The following MGST2 variants were observed in gnomAD, a reference collection of about 807,000 sequenced individuals.
The protein encoded by MGST2 is microsomal glutathione S-transferase 2.
Under a neutral mutation model 16.6 loss-of-function variants are expected in MGST2, and 9 were observed. That is an observed-to-expected ratio of 0.54 (90% confidence interval 0.33 to 0.95). The LOEUF (loss-of-function observed/expected upper bound fraction) is 0.95. Among genes scored for constraint, MGST2 ranks in the 40% least tolerant of loss-of-function variants. MGST2 has a pLI of 0.03. For missense variants in MGST2, 159 were observed against 175.1 expected (o/e 0.91, Z 0.52); for synonymous variants, 79 against 68.0 (o/e 1.16, Z -0.79).
intron 1 of MGST2, among the ~76,000 whole-genome samples, chr4:139,669,567 C>T: frequency 6.6e-6 from 1 of 151,558 alleles, no homozygotes; most frequent in East Asian, 1.9e-4. Context: ...AGTTCCCATC[C>T]TAAGGTCCTT....
intron 1 of MGST2, among the ~76,000 whole-genome samples, chr4:139,678,242 T>G (rs1731061226): frequency 6.6e-6 from 1 of 152,234 alleles, no homozygotes; most frequent in Admixed American, 6.5e-5. Context: ...TTTGTTTCTC[T>G]TAGGGAAATA....
Position 139,666,013 on chromosome 4 carries a change from G to A in MGST2, c.-7G>A. 6.2e-7 allele frequency: 1 copy of A among 1,614,104 alleles called. No individual in the cohort carries two copies. Among genetic ancestry groups the A allele is most frequent in the Non-Finnish European group, 8.5e-7 (1 of 1,180,004 alleles). ...CCGTGCGCTCTACAAATAGTTCCGT[G>A]AGAAAGATGGCCGGGAACTCGATCC... On this transcript the variant is annotated 5_prime_UTR_variant, in exon 1 of 5. Coordinates refer to ENST00000265498, the MANE Select transcript of MGST2 (RefSeq NM_002413.5).
chr4:139,710,027 G>C (rs1727678393), intron 5 of MGST2, among the ~76,000 whole-genome samples: 1 of 152,202 alleles, frequency 6.6e-6, no homozygotes, highest in South Asian at 2.1e-4. Context: ...AAATTAAAAG[G>C]TAAAGACTGG....
At chr4:139,742,134 C>T, downstream of MGST2, among the ~76,000 whole-genome samples, 1 of 134,608 alleles carries the variant, frequency 7.4e-6, no homozygotes, top group East Asian at 2.3e-4. Context: ...AGATCTTAAA[C>T]TTTTCTTTTC....
In MGST2 at chr4:139,704,232, C is replaced by A. The variant is rs1351807261; in HGVS notation, c.*84C>A. 10 of 1,515,548 alleles carry A rather than the reference C, an allele frequency of 6.6e-6. No homozygotes were observed. The highest frequency in any genetic ancestry group is 9.1e-6 in the Non-Finnish European group (10 of 1,094,524). 93.9% of individuals were successfully genotyped at this position (1,515,548 alleles called of 1,614,324 possible). A position where few individuals can be genotyped will look rare whatever the true frequency, so the allele number is the denominator to read the frequency against. On this transcript the variant is annotated 3_prime_UTR_variant, in exon 5 of 5. Coordinates refer to ENST00000265498, the MANE Select transcript of MGST2 (RefSeq NM_002413.5). ...ATCATTTGTTAAATAAAAATAAAGT[C>A]TTTATTCTGTTTTTCTTGAAATGGC... is the stretch of plus-strand genomic sequence containing the variant.
At chr4:139,710,920 C>T (rs970182859) in intron 5 of MGST2, among the ~76,000 whole-genome samples, 1 of 151,772 alleles carries the variant, frequency 6.6e-6, no homozygotes, top group African/African-American at 2.4e-5. Flanking sequence ...GATTTATTAA[C>T]AAAGGGCTCT....
At chr4:139,670,220 T>C (rs749810628) in intron 1 of MGST2, among the ~76,000 whole-genome samples, 5 of 137,558 alleles carry the variant, frequency 3.6e-5, no homozygotes, top group Non-Finnish European at 6.2e-5. Flanking sequence ...TTCAGTCATA[T>C]TTTGAGGTGT....
chr4:139,708,367 G>A (rs953719873), downstream of MGST2, among the ~76,000 whole-genome samples: 1 of 152,156 alleles, frequency 6.6e-6, no homozygotes, highest in South Asian at 2.1e-4. Flanking sequence ...AAGATCAGAT[G>A]GTTGTAGATA....
intron 5 of MGST2, chr4:139,730,868 A>C (rs1728678601): frequency 1.7e-6 from 1 of 596,770 alleles, no homozygotes; most frequent in South Asian, 2.0e-5. Flanking sequence ...GCCACAAGGG[A>C]CAGTAAGAGA....
In MGST2 at chr4:139,715,247, C is replaced by T. The variant is rs1374015384; in HGVS notation, c.*48+11051C>T. 6.6e-6 allele frequency among the ~76,000 whole-genome samples: 1 copy of T among 152,210 alleles called. No individual in the cohort carries two copies. Among genetic ancestry groups the T allele is most frequent in the African/African-American group, 2.4e-5 (1 of 41,452 alleles). ...AGGTACCCCACCACTTACCCAAAGT[C>T]TTCCAATCAGTGCTGCAGTCTATTT... On this transcript the variant is annotated intron_variant, in intron 5 of 5. Coordinates refer to the MGST2 transcript ENST00000616265. The surrounding 1 kb of genome is among the most constrained non-coding windows in gnomAD (Gnocchi z 4.4).
At chr4:139,677,512 T>G (rs1340795511) in intron 1 of MGST2, among the ~76,000 whole-genome samples, 1 of 152,096 alleles carries the variant, frequency 6.6e-6, no homozygotes, top group African/African-American at 2.4e-5. Flanking sequence ...GCATTTTTTT[T>G]TTTTTTGAGA....
the MGST2 span, among the ~76,000 whole-genome samples, chr4:139,748,257 A>G: frequency 7.2e-5 from 11 of 152,212 alleles, no homozygotes; most frequent in African/African-American, 2.6e-4. Flanking sequence ...CACTTGAGCC[A>G]TAAGAGAAGA....
chr4:139,723,671 C>G (rs1728350997), intron 5 of MGST2, among the ~76,000 whole-genome samples: 1 of 152,148 alleles, frequency 6.6e-6, no homozygotes. Context: ...TGTCTATGTT[C>G]TGTAACACAG....
exon 6 of MGST2, chr4:139,740,598 A>G (rs916047887): frequency 1.3e-5 from 2 of 151,322 alleles, no homozygotes; most frequent in African/African-American, 4.9e-5. Context: ...TATTGTACCC[A>G]CCCTTTCTGA....
chr4:139,719,326 G>T (rs750056337), intron 5 of MGST2: 5 of 1,582,630 alleles, frequency 3.2e-6, no homozygotes, highest in Non-Finnish European at 4.3e-6. Flanking sequence ...CTCTTGATTA[G>T]GGGTTACCAA....
rs572946366 is a variant in MGST2 at position 139,695,321 on chromosome 4, G to A, written c.229+54G>A. ...CTAATGATGACTGTGATGCTTAAAC[G>A]ATTAAGGAGTAGATATATGGCCAGG... On this transcript the variant is annotated intron_variant, in intron 3 of 4. Transcript: ENST00000265498. 1.2e-4 allele frequency: 173 copies of A among 1,425,040 alleles called. 5 individuals are homozygous for A. In the South Asian group the frequency reaches 1.7e-3, roughly 14 times the overall value. The allele number at this position is 1,425,040 out of a possible 1,614,324, so 88.3% of individuals were successfully genotyped here.
At chr4:139,701,531 A>G (rs1225836107) in intron 3 of MGST2, among the ~76,000 whole-genome samples, 1 of 152,048 alleles carries the variant, frequency 6.6e-6, no homozygotes, top group Non-Finnish European at 1.5e-5. Flanking sequence ...TTTCTTTCAC[A>G]GCACTTTCAA....
At chr4:139,732,702 C>T (rs184991818) in intron 5 of MGST2, among the ~76,000 whole-genome samples, 6 of 151,740 alleles carry the variant, frequency 4.0e-5, no homozygotes, top group East Asian at 3.9e-4. Flanking sequence ...GTAAGCAGAA[C>T]GCTGATTTTG....
intron 5 of MGST2, among the ~76,000 whole-genome samples, chr4:139,737,260 A>G (rs1728982544): frequency 6.6e-6 from 1 of 152,132 alleles, no homozygotes. Flanking sequence ...GCACCTACTC[A>G]TTGCAAAACA....
Sources: allele counts gnomAD v4.1 joint callset (sites outside exome capture counted in the v4.1 genomes callset), GRCh38; gene constraint gnomAD v4.1.1; non-coding constraint Gnocchi (gnomAD v3.1); transcripts MANE v1.5; gene names NCBI Gene and HGNC (gene_info 2026-07-23, HGNC 2026-07-21).